The following PARD3B variants were observed in gnomAD, a reference collection of about 807,000 sequenced individuals.
The protein encoded by PARD3B is partitioning defective 3 homolog B.
PARD3B carries 103 observed loss-of-function variants against 130.2 expected under a neutral mutation model. The ratio of observed to expected loss-of-function variants is 0.79; its 90% CI spans 0.67 to 0.93. The LOEUF (loss-of-function observed/expected upper bound fraction) is 0.93, where lower values mean the gene tolerates loss of function less well. Ranked by LOEUF, PARD3B falls within the 40% of genes least tolerant of loss-of-function variation. The pLI is 0.00. For missense variants in PARD3B, 1,609 were observed against 1,499.2 expected, an observed-to-expected ratio of 1.07 and a Z score of -1.21; for synonymous variants, 583 against 553.2, an observed-to-expected ratio of 1.05 and a Z score of -0.76.
intron 1 of PARD3B, among the ~76,000 whole-genome samples, chr2:204,651,006 C>G (rs1229414211): frequency 6.6e-6 from 1 of 152,164 alleles, no homozygotes; most frequent in Non-Finnish European, 1.5e-5. Context: ...ATGATTCAGT[C>G]ACCTCCCACC....
At chr2:204,853,045 T>C (rs2044773624) in intron 2 of PARD3B, among the ~76,000 whole-genome samples, 1 of 152,194 alleles carries the variant, frequency 6.6e-6, no homozygotes, top group Non-Finnish European at 1.5e-5. Flanking sequence ...ATCAAAATAT[T>C]CATGAATTTG....
chr2:204,592,732 T>C (rs1462799744), intron 1 of PARD3B, among the ~76,000 whole-genome samples: 1 of 152,206 alleles, frequency 6.6e-6, no homozygotes, highest in Non-Finnish European at 1.5e-5. Flanking sequence ...AATGCTCTCA[T>C]ACATTCTTCC....
At chr2:204,715,070 T>C (rs1278007364) in intron 2 of PARD3B, among the ~76,000 whole-genome samples, 1 of 152,216 alleles carries the variant, frequency 6.6e-6, no homozygotes, top group Non-Finnish European at 1.5e-5. Flanking sequence ...ATATAGAGTA[T>C]ACTTTACTAA....
At chr2:205,537,741 T>TAC (rs2051928346) in intron 21 of PARD3B, among the ~76,000 whole-genome samples, 3 of 152,212 alleles carry the variant, frequency 2.0e-5, no homozygotes, top group Admixed American at 2.0e-4. Context: ...TCACTAGAAC[T>TAC]ACACACACAT....
chr2:204,806,564 C>G (rs2042775928), intron 2 of PARD3B, among the ~76,000 whole-genome samples: 1 of 152,104 alleles, frequency 6.6e-6, no homozygotes. Context: ...ATTGAGGAAG[C>G]TCTTCAGAAC....
chr2:204,924,377 T>C (rs911196134), intron 2 of PARD3B, among the ~76,000 whole-genome samples: 1 of 152,074 alleles, frequency 6.6e-6, no homozygotes, highest in Non-Finnish European at 1.5e-5. Flanking sequence ...GTAGCTTAAT[T>C]CGATCTGAAT....
chr2:205,060,075 T>C (rs1409907478), intron 4 of PARD3B, among the ~76,000 whole-genome samples: 1 of 152,116 alleles, frequency 6.6e-6, no homozygotes, highest in African/African-American at 2.4e-5. Flanking sequence ...CAGATTTATC[T>C]TAACCTGCAG....
In PARD3B at chr2:205,057,560, TAC is replaced by T. The variant is rs1286916923; in HGVS notation, c.504+9872_504+9873del. On this transcript the variant is annotated intron_variant, in intron 4 of 22. Coordinates refer to ENST00000406610, the MANE Select transcript of PARD3B (RefSeq NM_001302769.2). ...ATATGTATATGTGTATATGTATATA[TAC>T]ATATATGTATATGTGTATGTGTATA... Among the ~76,000 whole-genome samples the T allele has an allele frequency of 2.0e-3, 287 of 146,626 alleles. 34 individuals are homozygous for T. The highest frequency in any genetic ancestry group is 0.011 in the Admixed American group (161 of 14,104).
At chr2:204,965,422 ATT>A in intron 3 of PARD3B, 99 bp downstream of exon 3, 1 of 1,233,262 alleles carries the variant, frequency 8.1e-7, no homozygotes, top group Non-Finnish European at 1.1e-6. Flanking sequence ...TCCTGTTAAT[ATT>A]TTATATCGTG....
chr2:204,778,350 A>G (rs1390865751), intron 2 of PARD3B, among the ~76,000 whole-genome samples: 3 of 152,160 alleles, frequency 2.0e-5, no homozygotes, highest in South Asian at 2.1e-4. Flanking sequence ...GGAAAAAAAA[A>G]GACACTGGCT....
chr2:204,915,756 A>G (rs886711576), intron 2 of PARD3B, among the ~76,000 whole-genome samples: 1 of 152,346 alleles, frequency 6.6e-6, no homozygotes. Flanking sequence ...TCTTTGGCTA[A>G]TTAATACTCG....
At position 205,047,742 on chromosome 2, in the gene PARD3B, A is replaced by G. The variant is rs373139946; in HGVS notation, c.504+52A>G. On this transcript the variant is annotated intron_variant, in intron 4 of 22. Coordinates refer to ENST00000406610, the MANE Select transcript of PARD3B (RefSeq NM_001302769.2). ...AATGAAAGATCAAAGTGCTGTACCCATAGGTTAAGTGGGACTTTGCAGTTT... is the reference window on the plus strand; with the variant it reads ...AATGAAAGATCAAAGTGCTGTACCCGTAGGTTAAGTGGGACTTTGCAGTTT... The G allele has an allele frequency of 3.9e-4, 520 of 1,342,168 alleles. 1 individual carries two copies. The African/African-American group carries it at 5.6e-3, about 15-fold the overall frequency. The allele number at this position is 1,342,168 out of a possible 1,614,324, so 83.1% of individuals were successfully genotyped here. A position where few individuals can be genotyped will look rare whatever the true frequency, so the allele number is the denominator to read the frequency against.
At chr2:204,703,706 G>A (rs1339724505) in intron 2 of PARD3B, among the ~76,000 whole-genome samples, 1 of 151,900 alleles carries the variant, frequency 6.6e-6, no homozygotes, top group Admixed American at 6.6e-5. Context: ...CATTTTAGAG[G>A]GGTACAGTTA....
intron 4 of PARD3B, among the ~76,000 whole-genome samples, chr2:205,085,025 G>A (rs772386064): frequency 3.9e-5 from 6 of 151,950 alleles, no homozygotes; most frequent in Non-Finnish European, 8.8e-5. Flanking sequence ...TTAGTCTGTA[G>A]TAGCTGGCAG....
chr2:204,647,431 A>AT (rs986187240), intron 1 of PARD3B, among the ~76,000 whole-genome samples: 1 of 150,670 alleles, frequency 6.6e-6, no homozygotes, highest in Non-Finnish European at 1.5e-5. Context: ...AAATTTCTCA[A>AT]TTTTTTTGTA....
intron 18 of PARD3B, among the ~76,000 whole-genome samples, chr2:205,332,312 C>T (rs2105779034): frequency 6.6e-6 from 1 of 152,216 alleles, no homozygotes; most frequent in East Asian, 1.9e-4. Context: ...AACTGTATTC[C>T]TCCATATTTC....
At chr2:205,189,286 C>T (rs1433718720) in intron 14 of PARD3B, among the ~76,000 whole-genome samples, 1 of 152,180 alleles carries the variant, frequency 6.6e-6, no homozygotes, top group South Asian at 2.1e-4. Flanking sequence ...AAATCTTCAT[C>T]CCCCACCTTT....
intron 1 of PARD3B, among the ~76,000 whole-genome samples, chr2:204,684,838 C>T (rs1192245475): frequency 6.6e-6 from 1 of 152,120 alleles, no homozygotes; most frequent in Admixed American, 6.6e-5. Context: ...GTAAACAAAA[C>T]TCCTTTTATT....
At chr2:204,642,311 A>G (rs1337544163) in intron 1 of PARD3B, among the ~76,000 whole-genome samples, 2 of 152,208 alleles carry the variant, frequency 1.3e-5, no homozygotes, top group African/African-American at 4.8e-5. Flanking sequence ...GTATCAGCAG[A>G]GCAGGCGACA....
Sources: allele counts gnomAD v4.1 joint callset (sites outside exome capture counted in the v4.1 genomes callset), GRCh38; gene constraint gnomAD v4.1.1; transcripts MANE v1.5; gene names NCBI Gene and HGNC (gene_info 2026-07-23, HGNC 2026-07-21).